PRPF19: variants seen among roughly 807,000 people sequenced by gnomAD.
PRPF19 encodes pre-mRNA processing factor 19, also known as pre-mRNA-processing factor 19.
In PRPF19, 2 loss-of-function variants were observed where a neutral mutation model predicts 64.2. The observed-to-expected ratio is 0.03, with a 90% CI of 0.01 to 0.10. PRPF19 has a LOEUF of 0.10. Ranked by LOEUF, PRPF19 falls within the 10% of genes least tolerant of loss-of-function variation. The probability of loss-of-function intolerance (pLI) is 1.00; values close to 1 mark genes in which losing one functional copy is unlikely to be tolerated. For synonymous variants in PRPF19, 226 were observed against 251.6 expected (o/e 0.90, Z 0.96); for missense variants, 314 against 650.0 (o/e 0.48, Z 5.62).
chr11:60,892,912 T>C (rs1485800613), intron 15 of PRPF19, among the ~76,000 whole-genome samples: 1 of 152,148 alleles, frequency 6.6e-6, no homozygotes, highest in South Asian at 2.1e-4. Context: ...AGAGACTCTG[T>C]AGTGCACTTC....
intron 10 of PRPF19, among the ~76,000 whole-genome samples, chr11:60,899,734 G>A (rs578257849): frequency 1.8e-4 from 28 of 152,346 alleles, no homozygotes; most frequent in Non-Finnish European, 4.0e-4. Flanking sequence ...CTGCATGGCT[G>A]TATTTCAGTG....
In PRPF19 at chr11:60,898,940, A is replaced by G. The variant is rs1469258452; in HGVS notation, c.985-9T>C. ...TCAGAGAAAGCCCAGTACTGGGGAA[A>G]AAAAAAGAGACAATGGAGTCAGTGA... On this transcript the variant is annotated splice_polypyrimidine_tract_variant and intron_variant, in intron 11 of 15. Coordinates refer to ENST00000227524, the MANE Select transcript of PRPF19 (RefSeq NM_014502.5). The surrounding 1 kb of genome is among the most constrained non-coding windows in gnomAD (Gnocchi z 4.6). 1 of 1,587,284 alleles carries G rather than the reference A, an allele frequency of 6.3e-7. No homozygotes were observed.
Position 60,900,569 on chromosome 11 carries a change from G to A in PRPF19, c.828+13C>T. On this transcript the variant is annotated intron_variant, in intron 10 of 15. Coordinates refer to ENST00000227524, the MANE Select transcript of PRPF19 (RefSeq NM_014502.5). ...GGAAAGAAGAACCAAGGGTGGCGAGGAGAACCCCTTACCTGGGAAGGGTGA... is the reference window on the plus strand; with the variant it reads ...GGAAAGAAGAACCAAGGGTGGCGAGAAGAACCCCTTACCTGGGAAGGGTGA... 5.2e-6 allele frequency: 8 copies of A among 1,532,852 alleles called. No homozygotes were observed. The highest frequency in any genetic ancestry group is 2.4e-5 in the East Asian group (1 of 40,876). 95.0% of individuals were successfully genotyped at this position (1,532,852 alleles called of 1,614,324 possible). A position where few individuals can be genotyped will look rare whatever the true frequency, so the allele number is the denominator to read the frequency against.
In PRPF19 at chr11:60,891,085, A is replaced by G. The variant is rs1309603352; in HGVS notation, c.*81T>C. ...CCCACAGAGCCCCCTCCCCCCATAG[A>G]TTCCCCCCACCCCCCCCCCCAAACC... is the stretch of plus-strand genomic sequence containing the variant. On this transcript the variant is annotated 3_prime_UTR_variant, in exon 16 of 16. Transcript: ENST00000227524. 3.1e-5 allele frequency: 3 copies of G among 95,520 alleles called. No individual in the cohort carries two copies. The highest frequency in any genetic ancestry group is 1.3e-4 in the Admixed American group (1 of 7,520). 5.9% of individuals were successfully genotyped at this position (95,520 alleles called of 1,614,324 possible).
intron 15 of PRPF19, among the ~76,000 whole-genome samples, chr11:60,891,737 C>G (rs1176523402): frequency 6.6e-6 from 1 of 152,216 alleles, no homozygotes; most frequent in East Asian, 1.9e-4. Context: ...TCATGAACAT[C>G]TGGCCAAATT....
chr11:60,900,569 G>T lies in PRPF19; in HGVS notation c.828+13C>A, dbSNP rs560231981. The T allele has an allele frequency of 5.9e-6, 9 of 1,532,852 alleles. No homozygotes were observed. In the East Asian group the frequency reaches 2.2e-4, roughly 38 times the overall value. 95.0% of individuals were successfully genotyped at this position (1,532,852 alleles called of 1,614,324 possible). On this transcript the variant is annotated intron_variant, in intron 10 of 15. Coordinates refer to ENST00000227524, the MANE Select transcript of PRPF19 (RefSeq NM_014502.5). ...GGAAAGAAGAACCAAGGGTGGCGAG[G>T]AGAACCCCTTACCTGGGAAGGGTGA...
At chr11:60,891,658 C>T (rs1855860007) in intron 15 of PRPF19, among the ~76,000 whole-genome samples, 1 of 152,200 alleles carries the variant, frequency 6.6e-6, no homozygotes, top group African/African-American at 2.4e-5. Flanking sequence ...ACTCAGGCCC[C>T]TAACACAGAG....
At chr11:60,904,623 T>C (rs1461188267) in intron 1 of PRPF19, among the ~76,000 whole-genome samples, 2 of 152,120 alleles carry the variant, frequency 1.3e-5, no homozygotes, top group African/African-American at 4.8e-5. Flanking sequence ...CACTTATGTT[T>C]ACCAGTTTAT....
At position 60,891,277 on chromosome 11, in the gene PRPF19, TAA is replaced by T; in HGVS notation, c.1418-16_1418-15del. 6.2e-7 allele frequency: 1 copy of T among 1,601,690 alleles called. No homozygotes were observed. Among genetic ancestry groups the T allele is most frequent in the Non-Finnish European group, 8.5e-7 (1 of 1,169,726 alleles). On this transcript the variant is annotated splice_polypyrimidine_tract_variant and intron_variant, in intron 15 of 15. Transcript: ENST00000227524. ...GGCCGCTATGCTCTGAGGAGAAAGA[TAA>T]GAGGCAACTGTGAGAAGGCTTTTCC... is the stretch of plus-strand genomic sequence containing the variant.
chr11:60,898,678 C>T lies in PRPF19; in HGVS notation c.1055-52G>A, dbSNP rs1459214503. ...GGTCAGAGCCCACCAGGGAGAGAGA[C>T]TAAGAGCAGCAAAGGTAGGTTCCTT... On this transcript the variant is annotated intron_variant, in intron 12 of 15. Transcript: ENST00000227524. The surrounding 1 kb of genome is among the most constrained non-coding windows in gnomAD (Gnocchi z 4.6). 6.2e-7 allele frequency: 1 copy of T among 1,612,238 alleles called. No individual in the cohort carries two copies. The highest frequency in any genetic ancestry group is 2.2e-5 in the East Asian group (1 of 44,854).
chr11:60,906,071 C>T (rs908114023), intron 1 of PRPF19, among the ~76,000 whole-genome samples: 3 of 152,400 alleles, frequency 2.0e-5, no homozygotes, highest in East Asian at 3.9e-4. Flanking sequence ...ATTAAGGCTG[C>T]TTCCCTTGCA....
At chr11:60,900,510 G>T in intron 10 of PRPF19, 72 bp downstream of exon 10, 1 of 1,225,890 alleles carries the variant, frequency 8.2e-7, no homozygotes, top group Non-Finnish European at 1.2e-6. Context: ...ACTTCACAGA[G>T]ACAGCAGCGG....
intron 1 of PRPF19, among the ~76,000 whole-genome samples, chr11:60,904,846 C>T (rs189577266): frequency 7.4e-4 from 112 of 152,302 alleles, no homozygotes; most frequent in Admixed American, 1.8e-3. Context: ...TCACTAGTGA[C>T]GACTTCAGTT....
chr11:60,900,032 C>T (rs688638), intron 10 of PRPF19, among the ~76,000 whole-genome samples: 4 of 151,992 alleles, frequency 2.6e-5, no homozygotes, highest in African/African-American at 4.8e-5. Context: ...ATCTTGACTG[C>T]GAAGCACTAA....
At position 60,890,604 on chromosome 11, in the gene PRPF19, T is replaced by C; in HGVS notation, c.*562A>G. The C allele has an allele frequency of 1.0e-5, 3 of 291,690 alleles. No homozygotes were observed. Among genetic ancestry groups the C allele is most frequent in the Admixed American group, 4.3e-5 (1 of 23,272 alleles). The allele number at this position is 291,690 out of a possible 1,614,324, so 18.1% of individuals were successfully genotyped here. ...TGCAATTAAAAAAAAAAAAAAAGGG[T>C]AAGAGCTGTGAAAGGAAAGGAAGAT... On this transcript the variant is annotated 3_prime_UTR_variant, in exon 16 of 16. Transcript: ENST00000227524.
intron 10 of PRPF19, 39 bp from the exon 11 acceptor site, chr11:60,899,343 A>G (rs746788415): frequency 1.3e-6 from 2 of 1,574,854 alleles, no homozygotes; most frequent in Non-Finnish European, 1.7e-6. Context: ...GAGTCAGAAA[A>G]GAGATACAGA....
chr11:60,891,550 C>T (rs1053429802), intron 15 of PRPF19, among the ~76,000 whole-genome samples: 5 of 152,186 alleles, frequency 3.3e-5, no homozygotes, highest in African/African-American at 1.2e-4. Context: ...GTTGAAAAAC[C>T]TCAGAGCTCA....
rs1264061259 is a variant in PRPF19, at chr11:60,906,345, G to C, written c.19+19C>G. On this transcript the variant is annotated intron_variant, in intron 1 of 15. Transcript: ENST00000227524. ...CTCTGGCCTCCTGAGACCCGCGCTTGGCCGCAGCCAACACTCACTGGAGCA... is the reference window on the plus strand; with the variant it reads ...CTCTGGCCTCCTGAGACCCGCGCTTCGCCGCAGCCAACACTCACTGGAGCA... 6.3e-7 allele frequency: 1 copy of C among 1,598,212 alleles called. No homozygotes were observed. Among genetic ancestry groups the C allele is most frequent in the South Asian group, 1.1e-5 (1 of 88,974 alleles).
rs1207815544 is a variant in PRPF19, at chr11:60,891,100, C to A, written c.*66G>T. 1.6e-4 allele frequency: 68 copies of A among 415,858 alleles called. No individual in the cohort carries two copies. Among genetic ancestry groups the A allele is most frequent in the East Asian group, 6.9e-4 (12 of 17,462 alleles). The allele number at this position is 415,858 out of a possible 1,614,324, so 25.8% of individuals were successfully genotyped here. On this transcript the variant is annotated 3_prime_UTR_variant, in exon 16 of 16. Transcript: ENST00000227524. ...CCCCCCATAGATTCCCCCCACCCCC[C>A]CCCCCAAACCCTAATTCTACCCCTC...
Sources: allele counts gnomAD v4.1 joint callset (sites outside exome capture counted in the v4.1 genomes callset), GRCh38; gene constraint gnomAD v4.1.1; non-coding constraint Gnocchi (gnomAD v3.1); transcripts MANE v1.5; gene names NCBI Gene and HGNC (gene_info 2026-07-23, HGNC 2026-07-21).